The following ZFHX4 variants were observed in gnomAD, a reference collection of about 807,000 sequenced individuals.
ZFHX4 encodes zinc finger homeobox 4.
Under a neutral mutation model 267.6 loss-of-function variants are expected in ZFHX4, and 56 were observed. That is an observed-to-expected ratio of 0.21 (90% CI 0.17 to 0.26). The LOEUF is 0.26. Among genes scored for constraint, ZFHX4 ranks in the 10% least tolerant of loss-of-function variants. The probability of loss-of-function intolerance (pLI) is 1.00; values close to 1 mark genes in which losing one functional copy is unlikely to be tolerated. For missense variants in ZFHX4, 4,332 were observed against 4,420.0 expected, an observed-to-expected ratio of 0.98 and a Z score of 0.56; for synonymous variants, 1,778 against 1,665.6, an observed-to-expected ratio of 1.07 and a Z score of -1.64.
chr8:76,814,472 C>T (rs1328880011), intron 4 of ZFHX4, among the ~76,000 whole-genome samples: 1 of 152,116 alleles, frequency 6.6e-6, no homozygotes, highest in Non-Finnish European at 1.5e-5. Context: ...TCCATGGCTT[C>T]TTGTAATTGT....
intron 3 of ZFHX4, among the ~76,000 whole-genome samples, chr8:76,724,533 G>A (rs1007193728): frequency 2.6e-5 from 4 of 151,952 alleles, no homozygotes; most frequent in Admixed American, 6.6e-5. Flanking sequence ...AATGGCAAGC[G>A]TTTTCAAAGA....
chr8:76,711,433 C>T (rs1189031199), intron 3 of ZFHX4, among the ~76,000 whole-genome samples: 1 of 152,076 alleles, frequency 6.6e-6, no homozygotes, highest in African/African-American at 2.4e-5. Context: ...TTAATAAATA[C>T]AAAATATATA....
At position 76,704,826 on chromosome 8, in the gene ZFHX4, A is replaced by G. The variant is rs767725738; in HGVS notation, c.738A>G (p.Ser246=). The change falls in exon 2 of 11, where the codon TCA becomes TCG. Residue 246 remains serine, a synonymous_variant. Transcript: ENST00000651372. ...REKDYLTSDG[S]AKNSCVSKDV... Reference sequence around the variant, plus strand: ...AAGACTATCTAACCAGTGATGGCTCAGCCAAAAACTCCTGTGTGTCCAAAG... The same window carrying G: ...AAGACTATCTAACCAGTGATGGCTCGGCCAAAAACTCCTGTGTGTCCAAAG... The G allele has an allele frequency of 1.9e-6, 3 of 1,614,080 alleles. No individual in the cohort carries two copies. The highest frequency in any genetic ancestry group is 2.5e-6 in the Non-Finnish European group (3 of 1,180,034).
intron 4 of ZFHX4, among the ~76,000 whole-genome samples, chr8:76,786,144 C>G (rs565500171): frequency 6.6e-6 from 1 of 152,156 alleles, no homozygotes; most frequent in South Asian, 2.1e-4. Flanking sequence ...GAAAAGCAGT[C>G]TAACTTCAGA....
intron 3 of ZFHX4, among the ~76,000 whole-genome samples, chr8:76,767,044 G>GGT (rs34640815): frequency 0.016 from 2,387 of 146,886 alleles, 43 homozygotes; most frequent in East Asian, 0.071. Context: ...CTCATAAAGG[G>GGT]GTGTGTGTGT....
intron 4 of ZFHX4, among the ~76,000 whole-genome samples, chr8:76,822,083 C>CA (rs1451659109): frequency 6.6e-6 from 1 of 152,012 alleles, no homozygotes; most frequent in Non-Finnish European, 1.5e-5. Flanking sequence ...CCTATATAAA[C>CA]AAAAAATCTC....
chr8:76,732,266 G>T (rs1002925923), intron 3 of ZFHX4, among the ~76,000 whole-genome samples: 7 of 151,992 alleles, frequency 4.6e-5, no homozygotes, highest in Non-Finnish European at 8.8e-5. Context: ...AATTATGTAT[G>T]TCATTAATAT....
chr8:76,855,365 C>T lies in ZFHX4; in HGVS notation c.8444C>T (p.Thr2815Ile). ...SINTAISDAT[T>I]GDEGNTEMES... is the part of the protein sequence containing the mutation. ...AATACGGCAATCAGTGACGCCACCA[C>T]CGGAGACGAGGGAAACACTGAAATG... The change falls in exon 10 of 11, where the codon ACC (threonine) becomes ATC (isoleucine). Residue 2815 changes from threonine (T) to isoleucine (I), a missense_variant. Thr to Ile is a moderately conservative substitution (Grantham distance 89, BLOSUM62 -1). This residue lies in a region of ZFHX4 where 1,648 missense variants were observed against 1,625.0 expected (regional missense o/e 1.01). Transcript: ENST00000651372. 6.2e-7 allele frequency: 1 copy of T among 1,613,706 alleles called. No homozygotes were observed. Among genetic ancestry groups the T allele is most frequent in the East Asian group, 2.2e-5 (1 of 44,824 alleles).
In ZFHX4 at chr8:76,853,332, A is replaced by AGAT; in HGVS notation, c.6415_6417dup (p.Asp2139dup). 6.2e-7 allele frequency: 1 copy of AGAT among 1,613,792 alleles called. No individual in the cohort carries two copies. The highest frequency in any genetic ancestry group is 8.5e-7 in the Non-Finnish European group (1 of 1,179,804). ...TCAAACGCCCACGGACAAGAATTAC[A>AGAT]GATGATCAGCTAAAAATCCTGAGGG... On this transcript the variant is annotated inframe_insertion, in exon 10 of 11. Transcript: ENST00000651372.
intron 4 of ZFHX4, among the ~76,000 whole-genome samples, chr8:76,780,725 T>C (rs1242916522): frequency 6.6e-6 from 1 of 152,140 alleles, no homozygotes; most frequent in Non-Finnish European, 1.5e-5. Context: ...TTTGTAGTTA[T>C]ACTTAAAGGT....
intron 3 of ZFHX4, among the ~76,000 whole-genome samples, chr8:76,743,263 T>C (rs1419972725): frequency 6.6e-6 from 1 of 152,206 alleles, no homozygotes; most frequent in Non-Finnish European, 1.5e-5. Context: ...CTCGAACTTC[T>C]GATTGGAGAA....
chr8:76,840,685 C>T (rs2131910766), intron 5 of ZFHX4, among the ~76,000 whole-genome samples: 1 of 152,252 alleles, frequency 6.6e-6, no homozygotes, highest in South Asian at 2.1e-4. Context: ...TTTTCCAGCC[C>T]TGGGGGAAAG....
chr8:76,854,694 T>G lies in ZFHX4; in HGVS notation c.7773T>G (p.Ser2591Arg). 3 of 1,611,998 alleles carry G rather than the reference T, an allele frequency of 1.9e-6. No homozygotes were observed. The highest frequency in any genetic ancestry group is 2.5e-6 in the Non-Finnish European group (3 of 1,179,300). The change falls in exon 10 of 11, where the codon AGT becomes AGG. Residue 2591 changes from serine to arginine, a missense_variant. This residue lies in a region of ZFHX4 where 1,648 missense variants were observed against 1,625.0 expected (regional missense o/e 1.01). Transcript: ENST00000651372. ...KLDDKEDNNCSEKEGGNSGED... is the reference protein window; with the variant it reads ...KLDDKEDNNCREKEGGNSGED... Reference sequence around the variant, plus strand: ...ACGATAAAGAAGATAATAATTGCAGTGAAAAAGAAGGAGGGAATAGCGGTG... The same window carrying G: ...ACGATAAAGAAGATAATAATTGCAGGGAAAAAGAAGGAGGGAATAGCGGTG...
chr8:76,747,298 G>C (rs1163134024), intron 3 of ZFHX4, among the ~76,000 whole-genome samples: 3 of 151,990 alleles, frequency 2.0e-5, no homozygotes, highest in African/African-American at 2.4e-5. Flanking sequence ...TTAGGTTCAG[G>C]GGGTACATGT....
At chr8:76,861,746 A>C (rs1310484282) in intron 10 of ZFHX4, among the ~76,000 whole-genome samples, 1 of 151,590 alleles carries the variant, frequency 6.6e-6, no homozygotes, top group Non-Finnish European at 1.5e-5. Flanking sequence ...AAAAAGAAGC[A>C]TACAGTTTTT....
At chr8:76,782,491 T>C (rs1262791924) in intron 4 of ZFHX4, among the ~76,000 whole-genome samples, 1 of 152,008 alleles carries the variant, frequency 6.6e-6, no homozygotes, top group East Asian at 1.9e-4. Context: ...CTTAAATTTT[T>C]AATCTTGGAA....
chr8:76,840,440 A>C (rs1812205578), intron 5 of ZFHX4, among the ~76,000 whole-genome samples: 1 of 152,212 alleles, frequency 6.6e-6, no homozygotes, highest in Non-Finnish European at 1.5e-5. Flanking sequence ...TGTATAGAAG[A>C]ACATGTCTGG....
Position 76,706,147 on chromosome 8 carries a change from G to A in ZFHX4, c.2059G>A (p.Ala687Thr). 1.9e-6 allele frequency: 3 copies of A among 1,613,972 alleles called. No homozygotes were observed. Among genetic ancestry groups the A allele is most frequent in the Non-Finnish European group, 2.5e-6 (3 of 1,179,946 alleles). Residue 687 changes from alanine (A) to threonine (T), a missense_variant, in exon 2 of 11, where the codon GCC (alanine) becomes ACC (threonine). Physicochemically the swap from Ala to Thr is moderately conservative, Grantham distance 58. Transcript: ENST00000651372. ...CKTGQPHPRLARGESYTCGYK... is the reference protein window; with the variant it reads ...CKTGQPHPRLTRGESYTCGYK... ...GACTGGACAGCCTCACCCCAGGCTT[G>A]CCCGGGGTGAGAGTTACACGTGTGG...
Position 76,705,583 on chromosome 8 carries a change from G to A in ZFHX4, c.1495G>A (p.Asp499Asn). Residue 499 changes from aspartate to asparagine, a missense_variant, in exon 2 of 11, where the codon GAT (aspartate) becomes AAT (asparagine). Transcript: ENST00000651372. ...ACTCACCGATAGTATTGGTAACAAA[G>A]ATTTCCCTCTCTTAAACCAAAGCAT... ...GELTDSIGNKDFPLLNQSISP... is the reference protein window; with the variant it reads ...GELTDSIGNKNFPLLNQSISP... 6.2e-7 allele frequency: 1 copy of A among 1,613,718 alleles called. No homozygotes were observed.
Sources: gnomAD v4.1 joint callset for allele counts (sites outside exome capture counted in the v4.1 genomes callset) on GRCh38, gnomAD v4.1.1 for gene constraint, gnomAD v4.1.1 regional missense constraint, MANE v1.5 for transcripts, NCBI Gene and HGNC (gene_info 2026-07-23, HGNC 2026-07-21) for gene names.